Variants in ROBO1 observed in about 807,000 individuals in gnomAD.
The protein encoded by ROBO1 is roundabout homolog 1.
A neutral mutation model predicts 195.9 loss-of-function variants in ROBO1; 149 were observed. That is an observed-to-expected ratio of 0.76 (90% CI 0.67 to 0.87). ROBO1 has a LOEUF of 0.87. Ranked by LOEUF, ROBO1 falls within the 40% of genes least tolerant of loss-of-function variation. The pLI is 0.00. For synonymous variants in ROBO1, 816 were observed against 733.2 expected (o/e 1.11, Z -1.82); for missense variants, 1,933 against 2,068.3 (o/e 0.93, Z 1.27).
At chr3:79,282,502 G>A (rs1468790050) in intron 2 of ROBO1, among the ~76,000 whole-genome samples, 3 of 152,186 alleles carry the variant, frequency 2.0e-5, no homozygotes, top group African/African-American at 7.2e-5. Context: ...CAGGAGAAGT[G>A]GAAGATAGCA....
chr3:79,421,790 T>A (rs2038236133), intron 2 of ROBO1, among the ~76,000 whole-genome samples: 1 of 152,094 alleles, frequency 6.6e-6, no homozygotes, highest in South Asian at 2.1e-4. Context: ...ATAAAATAAA[T>A]AAAATGTTAG....
At chr3:78,788,439 T>TA (rs1247453950) in intron 4 of ROBO1, among the ~76,000 whole-genome samples, 1,277 of 110,304 alleles carry the variant, frequency 0.012, 8 homozygotes, top group African/African-American at 0.036. Flanking sequence ...TTTTTTTTTT[T>TA]TAAAAAAAAA....
chr3:78,644,426 A>C (rs1199034811), intron 21 of ROBO1, among the ~76,000 whole-genome samples: 1 of 152,166 alleles, frequency 6.6e-6, no homozygotes, highest in Non-Finnish European at 1.5e-5. Flanking sequence ...ATGAATAAAT[A>C]ATTCTAAAAT....
intron 3 of ROBO1, among the ~76,000 whole-genome samples, chr3:79,101,422 T>C (rs1255102331): frequency 6.6e-6 from 1 of 151,804 alleles, no homozygotes; most frequent in Admixed American, 6.6e-5. Flanking sequence ...ATAACAGTAA[T>C]TTGAGGACGT....
chr3:78,670,579 G>T (rs912964259), intron 10 of ROBO1: 2 of 363,024 alleles, frequency 5.5e-6, no homozygotes, highest in African/African-American at 2.1e-5. Context: ...TAGGATTGTG[G>T]ATGGTGAAGT....
At chr3:78,784,260 T>A (rs1377231868) in intron 4 of ROBO1, among the ~76,000 whole-genome samples, 1 of 152,158 alleles carries the variant, frequency 6.6e-6, no homozygotes, top group Non-Finnish European at 1.5e-5. Flanking sequence ...ATAGGAATAA[T>A]AATTATTAAC....
At chr3:79,094,631 G>A (rs983593650) in intron 3 of ROBO1, among the ~76,000 whole-genome samples, 2 of 152,040 alleles carry the variant, frequency 1.3e-5, no homozygotes, top group African/African-American at 2.4e-5. Flanking sequence ...TCAACTTTAT[G>A]AAGAATATTT....
In ROBO1 at chr3:78,929,895, G is replaced by C. The variant is rs561509142; in HGVS notation, c.499+8706C>G. Reference sequence around the variant, plus strand: ...AGGGTAAGAAACACAGGTTGAGATTGCACGGAAGGGTCACTACACTTAGAA... The same window carrying C: ...AGGGTAAGAAACACAGGTTGAGATTCCACGGAAGGGTCACTACACTTAGAA... On this transcript the variant is annotated intron_variant, in intron 4 of 30. Transcript: ENST00000464233. 1.8e-4 allele frequency among the ~76,000 whole-genome samples: 27 copies of C among 152,180 alleles called. No individual in the cohort carries two copies. The East Asian group carries it at 4.8e-3, about 27-fold the overall frequency.
chr3:79,219,121 T>G (rs2082097669), intron 2 of ROBO1, among the ~76,000 whole-genome samples: 1 of 152,042 alleles, frequency 6.6e-6, no homozygotes, highest in Non-Finnish European at 1.5e-5. Flanking sequence ...ATTTTTTAAT[T>G]TAAATATTCA....
chr3:78,839,511 T>C (rs1334761352), intron 4 of ROBO1, among the ~76,000 whole-genome samples: 3 of 151,892 alleles, frequency 2.0e-5, no homozygotes, highest in East Asian at 1.9e-4. Flanking sequence ...TGGAGCATCA[T>C]AGTAAATTAA....
rs531279389 is a variant in ROBO1, at chr3:78,962,548, G to A, written c.173-23621C>T. Among the ~76,000 whole-genome samples the A allele has an allele frequency of 9.9e-5, 15 of 152,086 alleles. No individual in the cohort carries two copies. In the East Asian group the frequency reaches 2.7e-3, roughly 28 times the overall value. ...GTCATTTTAAAACTTCTTTTCGGCCGGGCGCGGTGGCTCACGCCTGTAATC... is the reference window on the plus strand; with the variant it reads ...GTCATTTTAAAACTTCTTTTCGGCCAGGCGCGGTGGCTCACGCCTGTAATC... On this transcript the variant is annotated intron_variant, in intron 3 of 30. Coordinates refer to ENST00000464233, the MANE Select transcript of ROBO1 (RefSeq NM_002941.4).
At chr3:79,620,317 C>T (rs958082412) in intron 1 of ROBO1, among the ~76,000 whole-genome samples, 1 of 152,158 alleles carries the variant, frequency 6.6e-6, no homozygotes, top group Non-Finnish European at 1.5e-5. Context: ...CCTCGGAAGC[C>T]TCCTGGACCA....
At chr3:79,527,728 A>C (rs1395425631) in intron 2 of ROBO1, 2 of 82,066 alleles carry the variant, frequency 2.4e-5, no homozygotes, top group African/African-American at 1.3e-4. Context: ...AAAGCAAAGC[A>C]AAGCAATAAA....
At chr3:78,855,845 C>G (rs928966888) in intron 4 of ROBO1, among the ~76,000 whole-genome samples, 1 of 151,988 alleles carries the variant, frequency 6.6e-6, no homozygotes, top group Non-Finnish European at 1.5e-5. Flanking sequence ...AAACACCTCA[C>G]TCAGTCAACA....
chr3:79,393,390 G>T (rs1310869206), intron 2 of ROBO1, among the ~76,000 whole-genome samples: 1 of 152,142 alleles, frequency 6.6e-6, no homozygotes, highest in Admixed American at 6.6e-5. Flanking sequence ...ACTCTTCATG[G>T]TTGAGAAATA....
At chr3:78,780,524 T>C (rs1369974910) in intron 4 of ROBO1, among the ~76,000 whole-genome samples, 1 of 152,094 alleles carries the variant, frequency 6.6e-6, no homozygotes, top group Non-Finnish European at 1.5e-5. Context: ...CTTTCCCTGA[T>C]GGTACTTTCT....
intron 2 of ROBO1, among the ~76,000 whole-genome samples, chr3:79,141,567 G>GTTTTTTTT (rs11315738): frequency 7.2e-6 from 1 of 139,410 alleles, no homozygotes; most frequent in African/African-American, 2.7e-5. Flanking sequence ...TGCTGTTGTT[G>GTTTTTTTT]TTTTTTTTTT....
chr3:79,546,200 T>C lies in ROBO1; in HGVS notation c.88+43624A>G, dbSNP rs1038117736. Among the ~76,000 whole-genome samples, 68 of 152,142 alleles carry C rather than the reference T, an allele frequency of 4.5e-4. 1 individual carries two copies. The highest frequency in any genetic ancestry group is 1.6e-3 in the African/African-American group (67 of 41,420). ...ATTTTTCTCATGACTTTCTTTCCTC[T>C]AGCTTACGTTATTGCAAAAATACAG... On this transcript the variant is annotated intron_variant, in intron 2 of 30. Coordinates refer to ENST00000464233, the MANE Select transcript of ROBO1 (RefSeq NM_002941.4).
At chr3:79,071,407 T>A (rs1011902281) in intron 3 of ROBO1, among the ~76,000 whole-genome samples, 1 of 151,804 alleles carries the variant, frequency 6.6e-6, no homozygotes, top group Non-Finnish European at 1.5e-5. Flanking sequence ...TTTCTTTCTC[T>A]TTAATCCCTA....
Sources: gnomAD v4.1 joint callset for allele counts (sites outside exome capture counted in the v4.1 genomes callset) on GRCh38, gnomAD v4.1.1 for gene constraint, MANE v1.5 for transcripts, NCBI Gene and HGNC (gene_info 2026-07-23, HGNC 2026-07-21) for gene names.